Variants in FAM135B observed in about 807,000 individuals in gnomAD.
The protein encoded by FAM135B is family with sequence similarity 135 member B, also known as protein FAM135B.
Under a neutral mutation model 127.7 loss-of-function variants are expected in FAM135B, and 43 were observed. The ratio of observed to expected loss-of-function variants is 0.34; its 90% CI spans 0.26 to 0.43. The LOEUF (loss-of-function observed/expected upper bound fraction) is 0.43, where lower values mean the gene tolerates loss of function less well. Among genes scored for constraint, FAM135B ranks in the 20% least tolerant of loss-of-function variants. The pLI is 1.00. For missense variants in FAM135B, 1,558 were observed against 1,725.6 expected (o/e 0.90, Z 1.72); for synonymous variants, 670 against 665.1 (o/e 1.01, Z -0.11).
chr8:138,201,879 A>C (rs1817149259), intron 7 of FAM135B, among the ~76,000 whole-genome samples: 3 of 152,040 alleles, frequency 2.0e-5, no homozygotes, highest in Non-Finnish European at 2.9e-5. Flanking sequence ...TAATCCCAGC[A>C]CTTTGGGAGG....
chr8:138,201,804 T>C (rs1048183901), intron 7 of FAM135B, among the ~76,000 whole-genome samples: 2 of 152,112 alleles, frequency 1.3e-5, no homozygotes, highest in African/African-American at 4.8e-5. Context: ...GGCCTGGGCC[T>C]ACCCCACAAC....
chr8:138,183,755 G>A (rs1377880497), intron 9 of FAM135B, among the ~76,000 whole-genome samples: 4 of 152,158 alleles, frequency 2.6e-5, no homozygotes, highest in Admixed American at 1.3e-4. Context: ...AAGTTGTTCC[G>A]GGAGACTTTC....
chr8:138,343,230 G>C (rs760588343), intron 2 of FAM135B, among the ~76,000 whole-genome samples: 5 of 152,224 alleles, frequency 3.3e-5, no homozygotes, highest in Non-Finnish European at 5.9e-5. Context: ...TGACCACAGA[G>C]CTGTTCAATG....
intron 1 of FAM135B, among the ~76,000 whole-genome samples, chr8:138,490,699 C>A (rs1815158403): frequency 1.3e-5 from 2 of 152,228 alleles, no homozygotes; most frequent in Admixed American, 1.3e-4. Context: ...CTCTTCTCTT[C>A]ACTCTCCTTG....
intron 1 of FAM135B, among the ~76,000 whole-genome samples, chr8:138,410,393 G>A (rs935010771): frequency 6.6e-6 from 1 of 152,112 alleles, no homozygotes; most frequent in African/African-American, 2.4e-5. Flanking sequence ...TCTCTTGCTT[G>A]GTCAGATGAA....
intron 1 of FAM135B, among the ~76,000 whole-genome samples, chr8:138,373,129 G>C (rs1331192948): frequency 6.6e-6 from 1 of 152,098 alleles, no homozygotes; most frequent in Non-Finnish European, 1.5e-5. Flanking sequence ...GTTCAGATTT[G>C]ATTTCTGCCA....
rs1225967536 is a variant in FAM135B, at chr8:138,178,645, G to C, written c.919C>G (p.Leu307Val). The C allele has an allele frequency of 1.9e-6, 3 of 1,613,986 alleles. No homozygotes were observed. In the African/African-American group the frequency reaches 4.0e-5, roughly 22 times the overall value. ...ATCATGTGGGACGTGAGCCAGGCCA[G>C]ATCCTTGCTTATCTGCTCAGCGATC... ...EKIAEQISKD[L>V]AWLTSHMMTL... Residue 307 changes from leucine to valine, a missense_variant, in exon 10 of 20, where the codon CTG becomes GTG. Physicochemically the swap from Leu to Val is conservative, Grantham distance 32 (BLOSUM62 1). Transcript: ENST00000395297.
intron 12 of FAM135B, among the ~76,000 whole-genome samples, chr8:138,167,387 G>A (rs1820032607): frequency 2.0e-5 from 3 of 152,008 alleles, no homozygotes; most frequent in African/African-American, 4.8e-5. Context: ...GTAGAGATGG[G>A]GTTTCTCCAT....
chr8:138,232,414 A>G (rs2130228542), intron 7 of FAM135B, among the ~76,000 whole-genome samples: 1 of 152,314 alleles, frequency 6.6e-6, no homozygotes. Flanking sequence ...TAATTTAGCA[A>G]TACTGTAGAC....
chr8:138,329,459 C>A (rs746545048), intron 2 of FAM135B, among the ~76,000 whole-genome samples: 5 of 152,150 alleles, frequency 3.3e-5, no homozygotes, highest in Non-Finnish European at 7.4e-5. Context: ...GTAGGAATTT[C>A]CATTTCCTCA....
At chr8:138,387,683 T>C (rs1832301278) in intron 1 of FAM135B, among the ~76,000 whole-genome samples, 1 of 152,096 alleles carries the variant, frequency 6.6e-6, no homozygotes, top group Non-Finnish European at 1.5e-5. Context: ...CACAGCGCTG[T>C]TATTACCCAA....
At position 138,143,079 on chromosome 8, in the gene FAM135B, T is replaced by A. The variant is rs766881544; in HGVS notation, c.3571A>T (p.Thr1191Ser). The change falls in exon 16 of 20, where the codon ACG becomes TCG. Residue 1191 changes from threonine to serine, a missense_variant. This residue lies in a region of FAM135B where 194 missense variants were observed against 333.8 expected (regional missense o/e 0.58). Transcript: ENST00000395297. ...MDTFADFDTM[T>S]DRLLDEIIQH... is the part of the protein sequence containing the mutation. ...ATGATTTCATCCAATAACCGATCCG[T>A]CATAGTATCAAAATCTGCAAATGTG... 5 of 1,609,214 alleles carry A rather than the reference T, an allele frequency of 3.1e-6. No individual in the cohort carries two copies. Among genetic ancestry groups the A allele is most frequent in the Non-Finnish European group, 4.3e-6 (5 of 1,175,588 alleles).
chr8:138,480,509 A>AGTT (rs1233319455), intron 1 of FAM135B, among the ~76,000 whole-genome samples: 2 of 152,228 alleles, frequency 1.3e-5, no homozygotes, highest in Non-Finnish European at 2.9e-5. Flanking sequence ...TCAATATTCA[A>AGTT]GTTGTCCACA....
chr8:138,335,929 A>G (rs1178371831), intron 2 of FAM135B, among the ~76,000 whole-genome samples: 3 of 152,206 alleles, frequency 2.0e-5, no homozygotes, highest in Admixed American at 2.0e-4. Flanking sequence ...GTGCAATCAA[A>G]CTAGAACTCA....
intron 7 of FAM135B, among the ~76,000 whole-genome samples, chr8:138,229,007 C>T (rs1462956132): frequency 6.6e-6 from 1 of 151,608 alleles, no homozygotes; most frequent in African/African-American, 2.4e-5. Context: ...ATCCCTCCTG[C>T]GAAGCGCCCG....
chr8:138,483,963 A>G (rs1814888634), intron 1 of FAM135B, among the ~76,000 whole-genome samples: 1 of 152,222 alleles, frequency 6.6e-6, no homozygotes, highest in Non-Finnish European at 1.5e-5. Flanking sequence ...CCATACAAAT[A>G]AGAAAGAGCA....
Position 138,151,655 on chromosome 8 carries a change from C to T in FAM135B, c.2820G>A (p.Thr940=), listed in dbSNP as rs529502221. The part of the protein sequence containing the change: ...SQHQVPELSC[T]SAADAINRNS... ...TCCTGTTGATGGCATCAGCAGCTGA[C>T]GTACAGCTCAATTCAGGCACCTGAT... Residue 940 remains threonine (T), a synonymous_variant, in exon 13 of 20, where the codon ACG becomes ACA. Transcript: ENST00000395297. 1.2e-5 allele frequency: 19 copies of T among 1,614,162 alleles called. No homozygotes were observed. The highest frequency in any genetic ancestry group is 8.9e-5 in the East Asian group (4 of 44,870).
chr8:138,236,395 C>CACAT (rs1349264586), intron 7 of FAM135B, among the ~76,000 whole-genome samples: 4 of 136,312 alleles, frequency 2.9e-5, no homozygotes, highest in African/African-American at 5.9e-5. Context: ...AGAACACACA[C>CACAT]ACATACACAC....
chr8:138,162,476 G>A (rs1156719938), intron 12 of FAM135B, among the ~76,000 whole-genome samples: 1 of 152,172 alleles, frequency 6.6e-6, no homozygotes, highest in African/African-American at 2.4e-5. Flanking sequence ...CGTCAGTAGA[G>A]GTTCATCTGC....
Sources: allele counts gnomAD v4.1 joint callset (sites outside exome capture counted in the v4.1 genomes callset), GRCh38; gene constraint gnomAD v4.1.1; regional missense constraint gnomAD v4.1.1; transcripts MANE v1.5; gene names NCBI Gene and HGNC (gene_info 2026-07-23, HGNC 2026-07-21).